BCAS3: variants seen among roughly 807,000 people sequenced by gnomAD.
The protein encoded by BCAS3 is BCAS4/BCAS3 fusion.
Under a neutral mutation model 116.1 loss-of-function variants are expected in BCAS3, and 53 were observed. That is an observed-to-expected ratio of 0.46 (90% confidence interval 0.37 to 0.57). The LOEUF (loss-of-function observed/expected upper bound fraction) is 0.57, where lower values mean the gene tolerates loss of function less well. Ranked by LOEUF, BCAS3 falls within the 20% of genes least tolerant of loss-of-function variation. The probability of loss-of-function intolerance (pLI) is 0.00; values close to 1 mark genes in which losing one functional copy is unlikely to be tolerated. For synonymous variants in BCAS3, 391 were observed against 408.2 expected, an observed-to-expected ratio of 0.96 and a Z score of 0.51; for missense variants, 917 against 1,165.4, an observed-to-expected ratio of 0.79 and a Z score of 3.10.
At chr17:61,335,620 A>C (rs1217024170) in intron 22 of BCAS3, among the ~76,000 whole-genome samples, 1 of 152,118 alleles carries the variant, frequency 6.6e-6, no homozygotes, top group Non-Finnish European at 1.5e-5. Context: ...GGCCAGGTGC[A>C]ATGGCTCATC....
At chr17:60,728,935 C>A (rs1432017649) in intron 5 of BCAS3, among the ~76,000 whole-genome samples, 3 of 152,198 alleles carry the variant, frequency 2.0e-5, no homozygotes, top group Admixed American at 6.5e-5. Flanking sequence ...TACGTGAAAC[C>A]ACCATTGGGG....
In BCAS3 at chr17:60,736,892, C is replaced by CCCTCCCTT. The variant is rs1555686050; in HGVS notation, c.322-10274_322-10267dup. 3.6e-3 allele frequency among the ~76,000 whole-genome samples: 472 copies of CCCTCCCTT among 130,570 alleles called. 6 individuals are homozygous for CCCTCCCTT. Among genetic ancestry groups the CCCTCCCTT allele is most frequent in the South Asian group, 0.016 (59 of 3,680 alleles). The allele number at this position is 130,570 out of a possible 152,430, so 85.7% of individuals were successfully genotyped here. A position where few individuals can be genotyped will look rare whatever the true frequency, so the allele number is the denominator to read the frequency against. ...CCCTCTTTTCCTTCCCTCCCTCCCT[C>CCCTCCCTT]CCTCCCTTCCTCCCTTCCTCCCTTC... On this transcript the variant is annotated intron_variant, in intron 5 of 23. Coordinates refer to ENST00000407086, the MANE Select transcript of BCAS3 (RefSeq NM_017679.5).
chr17:61,157,266 T>G (rs2077901419), intron 22 of BCAS3, among the ~76,000 whole-genome samples: 1 of 152,200 alleles, frequency 6.6e-6, no homozygotes, highest in Non-Finnish European at 1.5e-5. Flanking sequence ...TTCAGTAATA[T>G]ATTTGAAAAA....
intron 8 of BCAS3, among the ~76,000 whole-genome samples, chr17:60,869,546 A>G (rs1452480563): frequency 1.3e-5 from 2 of 152,230 alleles, no homozygotes. Context: ...TGAATGTAGA[A>G]GGGAGGGCAA....
At chr17:60,747,168 C>G in intron 5 of BCAS3, 30 bp from the exon 6 acceptor site, 1 of 1,485,806 alleles carries the variant, frequency 6.7e-7, no homozygotes, top group Non-Finnish European at 9.3e-7. Context: ...CATTTTCCCA[C>G]TGAAATATTT....
rs1195615628 is a variant in BCAS3 at position 61,224,532 on chromosome 17, AT to A, written c.2425+139969del. On this transcript the variant is annotated intron_variant, in intron 22 of 23. Coordinates refer to ENST00000407086, the MANE Select transcript of BCAS3 (RefSeq NM_017679.5). The surrounding 1 kb of genome is among the most constrained non-coding windows in gnomAD (Gnocchi z 5.7). ...AGTGTGGCAAGGACAGCAAAAGGAG[AT>A]CCAGTCTGAGAAATAAGACTATACA... is the stretch of plus-strand genomic sequence containing the variant. Among the ~76,000 whole-genome samples, 4 of 152,166 alleles carry A rather than the reference AT, an allele frequency of 2.6e-5. No homozygotes were observed. The highest frequency in any genetic ancestry group is 9.7e-5 in the African/African-American group (4 of 41,432).
intron 6 of BCAS3, among the ~76,000 whole-genome samples, chr17:60,799,291 A>G (rs1308399642): frequency 6.6e-6 from 1 of 152,196 alleles, no homozygotes; most frequent in East Asian, 1.9e-4. Context: ...CAAAAATACT[A>G]CAGAGCAGTC....
intron 22 of BCAS3, among the ~76,000 whole-genome samples, chr17:61,317,916 T>A (rs2054877002): frequency 6.6e-6 from 1 of 152,036 alleles, no homozygotes; most frequent in Non-Finnish European, 1.5e-5. Flanking sequence ...TGAACAGAGG[T>A]CCCTGGTGAG....
chr17:61,140,120 C>T lies in BCAS3; in HGVS notation c.2425+55556C>T, dbSNP rs1374604072. Among the ~76,000 whole-genome samples the T allele has an allele frequency of 1.3e-5, 2 of 151,974 alleles. No individual in the cohort carries two copies. Among genetic ancestry groups the T allele is most frequent in the Admixed American group, 6.6e-5 (1 of 15,256 alleles). The stretch of plus-strand genomic sequence containing the variant: ...GGCGTGGTGGTGCATTCCTGTAAAC[C>T]CAGCTACTCAGGAGGCTGAGGCAGG... On this transcript the variant is annotated intron_variant, in intron 22 of 23. Coordinates refer to ENST00000407086, the MANE Select transcript of BCAS3 (RefSeq NM_017679.5). The surrounding 1 kb of genome is among the most constrained non-coding windows in gnomAD (Gnocchi z 4.2).
At chr17:60,981,179 A>G (rs971214793) in intron 14 of BCAS3, among the ~76,000 whole-genome samples, 1 of 152,184 alleles carries the variant, frequency 6.6e-6, no homozygotes, top group Admixed American at 6.5e-5. Flanking sequence ...TTGAAGAAGT[A>G]TGATTTGTCT....
intron 22 of BCAS3, among the ~76,000 whole-genome samples, chr17:61,184,334 C>A (rs2079641160): frequency 7.4e-6 from 1 of 134,498 alleles, no homozygotes; most frequent in Non-Finnish European, 1.7e-5. Flanking sequence ...TGGACAAACA[C>A]CACAGAAGAT....
Position 61,075,150 on chromosome 17 carries a change from T to C in BCAS3, c.2130+130T>C. The C allele has an allele frequency of 7.3e-6, 5 of 680,484 alleles. No homozygotes were observed. In the South Asian group the frequency reaches 1.1e-4, roughly 14 times the overall value. 42.2% of individuals were successfully genotyped at this position (680,484 alleles called of 1,614,324 possible). ...TGGATTATCAAGAATTAGTTGTCTT[T>C]CCATATTACAAATTACTCCACAAAT... On this transcript the variant is annotated intron_variant, in intron 20 of 23. Transcript: ENST00000407086.
intron 22 of BCAS3, among the ~76,000 whole-genome samples, chr17:61,283,600 A>C (rs1366788411): frequency 1.3e-5 from 2 of 151,630 alleles, no homozygotes; most frequent in Non-Finnish European, 2.9e-5. Context: ...ACTACAGGCG[A>C]CCGCCACCAT....
Position 61,051,827 on chromosome 17 carries a change from A to G in BCAS3, c.2029+10935A>G, listed in dbSNP as rs929420933. Among the ~76,000 whole-genome samples, 9 of 152,180 alleles carry G rather than the reference A, an allele frequency of 5.9e-5. No homozygotes were observed. In the East Asian group the frequency reaches 1.3e-3, roughly 23 times the overall value. ...GTGAGATGGCACTAAATCCATACTC[A>G]AGGGAAAAATTATAGGGCTAATGTT... On this transcript the variant is annotated intron_variant, in intron 19 of 23. Coordinates refer to ENST00000407086, the MANE Select transcript of BCAS3 (RefSeq NM_017679.5). The surrounding 1 kb of genome is among the most constrained non-coding windows in gnomAD (Gnocchi z 4.1).
chr17:60,773,762 C>T (rs1000787860), intron 6 of BCAS3, among the ~76,000 whole-genome samples: 3 of 152,154 alleles, frequency 2.0e-5, no homozygotes, highest in Non-Finnish European at 4.4e-5. Context: ...ATCCTCCTGC[C>T]TCAGTGTCCC....
chr17:61,221,136 A>G (rs1352533849), intron 22 of BCAS3, among the ~76,000 whole-genome samples: 1 of 152,198 alleles, frequency 6.6e-6, no homozygotes, highest in Non-Finnish European at 1.5e-5. Context: ...GTAGAATCCC[A>G]GTGTTACAAA....
chr17:60,679,021 C>T (rs2032521068), intron 1 of BCAS3, among the ~76,000 whole-genome samples: 1 of 152,076 alleles, frequency 6.6e-6, no homozygotes, highest in Admixed American at 6.6e-5. Flanking sequence ...CTCAGGAGTT[C>T]GAGACCAGCC....
intron 15 of BCAS3, among the ~76,000 whole-genome samples, chr17:61,009,984 G>T (rs527705256): frequency 6.6e-6 from 1 of 151,754 alleles, no homozygotes; most frequent in Admixed American, 6.6e-5. Flanking sequence ...TTTCCTTGTA[G>T]CATCTGTGTT....
chr17:60,891,135 G>A (rs888930168), intron 10 of BCAS3, among the ~76,000 whole-genome samples: 3 of 152,118 alleles, frequency 2.0e-5, no homozygotes, highest in Non-Finnish European at 4.4e-5. Context: ...ATACAAGTAA[G>A]TGTAGTGACA....
Sources: allele counts gnomAD v4.1 joint callset (sites outside exome capture counted in the v4.1 genomes callset), GRCh38; gene constraint gnomAD v4.1.1; non-coding constraint Gnocchi (gnomAD v3.1); transcripts MANE v1.5; gene names NCBI Gene and HGNC (gene_info 2026-07-23, HGNC 2026-07-21).